The following HEATR4 variants were observed in gnomAD, a reference collection of about 807,000 sequenced individuals.
HEATR4 encodes the protein HEAT repeat containing 4.
Under a neutral mutation model 108.8 loss-of-function variants are expected in HEATR4, and 95 were observed. The observed-to-expected ratio is 0.87, with a 90% CI of 0.74 to 1.04. The LOEUF is 1.04. Among genes scored for constraint, HEATR4 ranks in the 50% least tolerant of loss-of-function variants. The pLI, the probability that HEATR4 is intolerant of heterozygous loss-of-function variation, is 0.00. For synonymous variants in HEATR4, 443 were observed against 459.4 expected, an observed-to-expected ratio of 0.96 and a Z score of 0.46; for missense variants, 1,152 against 1,253.8, an observed-to-expected ratio of 0.92 and a Z score of 1.23.
chr14:73,603,829 G>C, the HEATR4 span, among the ~76,000 whole-genome samples: 2 of 151,812 alleles, frequency 1.3e-5, no homozygotes, highest in South Asian at 4.1e-4. Flanking sequence ...TTCCTCCCAG[G>C]TTCAAGCGAT....
At position 73,552,251 on chromosome 14, in the gene HEATR4, A is replaced by G. The variant is rs1889335384; in HGVS notation, c.-152+6500T>C. On this transcript the variant is annotated intron_variant, in intron 1 of 17. Transcript: ENST00000553558. The stretch of plus-strand genomic sequence containing the variant: ...CAGATTCGCCACCAGTAACTCAGAC[A>G]CCTTCCACTGGTAACAACCCCAGCC... Among the ~76,000 whole-genome samples, 2 of 100,502 alleles carry G rather than the reference A, an allele frequency of 2.0e-5. 1 individual carries two copies. Among genetic ancestry groups the G allele is most frequent in the South Asian group, 6.0e-4 (2 of 3,340 alleles). 65.9% of individuals were successfully genotyped at this position (100,502 alleles called of 152,430 possible).
chr14:73,487,619 T>C (rs1041310678), intron 17 of HEATR4, among the ~76,000 whole-genome samples: 3 of 152,064 alleles, frequency 2.0e-5, no homozygotes, highest in African/African-American at 7.2e-5. Flanking sequence ...TGGTGGCTCA[T>C]GCTTGTAATC....
the HEATR4 span, among the ~76,000 whole-genome samples, chr14:73,573,845 C>G: frequency 7.9e-5 from 12 of 151,994 alleles, no homozygotes; most frequent in South Asian, 1.5e-3. Flanking sequence ...TTGTGCCCCA[C>G]CCTCCCGAGT....
chr14:73,499,098 A>G lies in HEATR4; in HGVS notation c.2329T>C (p.Trp777Arg), dbSNP rs1482948103. ...LLNLMQRDPY[W>R]KIKAFAIRAL... ...CGAATGGCAAAGGCCTTGATTTTCC[A>G]GTAAGGATCTCTCTGCATCAGGTTC... Residue 777 changes from tryptophan (W) to arginine (R), a missense_variant, in exon 13 of 18, where the codon TGG (tryptophan) becomes CGG (arginine). Transcript: ENST00000553558. 2.5e-6 allele frequency: 4 copies of G among 1,614,112 alleles called. No homozygotes were observed. The African/African-American group carries it at 4.0e-5, about 16-fold the overall frequency.
rs144777918 is a variant in HEATR4, at chr14:73,485,267, A to AT, written c.2845-6426dup. Among the ~76,000 whole-genome samples the AT allele has an allele frequency of 8.9e-3, 1,348 of 152,278 alleles. 23 individuals carry two copies. The highest frequency in any genetic ancestry group is 0.031 in the African/African-American group (1,297 of 41,554). ...GGACAACATATTGTTCTATAATTTG[A>AT]TTTTTTAACACGTTATAGACATTTC... is the stretch of plus-strand genomic sequence containing the variant. On this transcript the variant is annotated intron_variant, in intron 17 of 17. Coordinates refer to ENST00000553558, the MANE Select transcript of HEATR4 (RefSeq NM_001220484.1).
In HEATR4 at chr14:73,522,550, C is replaced by T. The variant is rs763749954; in HGVS notation, c.603G>A (p.Ala201=). The change falls in exon 3 of 18, where the codon GCG becomes GCA. Residue 201 remains alanine, a synonymous_variant. Coordinates refer to ENST00000553558, the MANE Select transcript of HEATR4 (RefSeq NM_001220484.1). ...GCTTTTCCAGCACAGTGGCCTCCCACGCTCTGGCCTCCTTCTCAGGAGGCA... is the reference window on the plus strand; with the variant it reads ...GCTTTTCCAGCACAGTGGCCTCCCATGCTCTGGCCTCCTTCTCAGGAGGCA... The part of the protein sequence containing the change: ...WLLPPEKEAR[A]WEATVLEKLN... 71 of 1,614,034 alleles carry T rather than the reference C, an allele frequency of 4.4e-5. No individual in the cohort carries two copies. The Middle Eastern group carries it at 8.2e-4, about 19-fold the overall frequency.
chr14:73,628,028 C>T, the HEATR4 span, among the ~76,000 whole-genome samples: 163 of 152,218 alleles, frequency 1.1e-3, no homozygotes, highest in African/African-American at 3.6e-3. Context: ...AGGCTAGTCT[C>T]GAACTCCTGA....
the HEATR4 span, among the ~76,000 whole-genome samples, chr14:73,567,361 G>A: frequency 1.1e-4 from 16 of 152,238 alleles, no homozygotes; most frequent in African/African-American, 3.6e-4. Flanking sequence ...CTGGGCTTCT[G>A]GGTTGGGTGG....
At chr14:73,485,113 G>A (rs1194745097) in intron 17 of HEATR4, among the ~76,000 whole-genome samples, 1 of 151,862 alleles carries the variant, frequency 6.6e-6, no homozygotes, top group Admixed American at 6.6e-5. Context: ...GCAGTGAGCC[G>A]AGATTGCACC....
chr14:73,562,187 G>A (rs564526208), upstream of HEATR4, among the ~76,000 whole-genome samples: 5 of 152,144 alleles, frequency 3.3e-5, no homozygotes, highest in East Asian at 7.7e-4. Flanking sequence ...ATTGTTTAAT[G>A]TTGTGGGAAG....
chr14:73,603,495 C>T, the HEATR4 span, among the ~76,000 whole-genome samples: 1 of 152,054 alleles, frequency 6.6e-6, no homozygotes, highest in Non-Finnish European at 1.5e-5. Flanking sequence ...GCTGGGACCA[C>T]AGGCGCATGC....
At position 73,491,750 on chromosome 14, in the gene HEATR4, G is replaced by A. The variant is rs1222449265; in HGVS notation, c.2844+1316C>T. The A allele has an allele frequency of 3.2e-6, 5 of 1,558,648 alleles. No individual in the cohort carries two copies. In the South Asian group the frequency reaches 5.9e-5, roughly 18 times the overall value. ...CTACTACCAGGGACTTTTCTCTACC[G>A]CTGACCTGGATTCGATGCTGCGCAA... On this transcript the variant is annotated intron_variant, in intron 17 of 17. Coordinates refer to ENST00000553558, the MANE Select transcript of HEATR4 (RefSeq NM_001220484.1).
rs758608257 is a variant in HEATR4 at position 73,478,639 on chromosome 14, A to G, written c.3048T>C (p.Ser1016=). 1 of 1,613,844 alleles carries G rather than the reference A, an allele frequency of 6.2e-7. No homozygotes were observed. The highest frequency in any genetic ancestry group is 1.1e-5 in the South Asian group (1 of 91,072). The change falls in exon 18 of 18, where the codon TCT becomes TCC. Residue 1016 remains serine (S), a synonymous_variant. Transcript: ENST00000553558. ...SERTFFSPIM[S]SPSGKKGAHL ...GAGCACCTTTCTTTCCAGAGGGAGA[A>G]GACATGATGGGAGAAAAAAATGTTC...
At chr14:73,580,442 TAAAG>T in the HEATR4 span, among the ~76,000 whole-genome samples, 5 of 151,964 alleles carry the variant, frequency 3.3e-5, no homozygotes, top group Admixed American at 2.6e-4. Flanking sequence ...TGAAGTGTGA[TAAAG>T]AGAGTGAGTT....
chr14:73,540,105 A>T (rs550877531), intron 1 of HEATR4, among the ~76,000 whole-genome samples: 1 of 121,408 alleles, frequency 8.2e-6, no homozygotes, highest in Non-Finnish European at 1.8e-5. Flanking sequence ...AGCATTATCA[A>T]TTGCTGACCA....
chr14:73,585,582 G>A, the HEATR4 span, among the ~76,000 whole-genome samples: 1 of 151,966 alleles, frequency 6.6e-6, no homozygotes, highest in African/African-American at 2.4e-5. Context: ...CCAGCTACGG[G>A]GGAGGCTGAG....
At position 73,492,736 on chromosome 14, in the gene HEATR4, C is replaced by T. The variant is rs1183831478; in HGVS notation, c.2844+330G>A. On this transcript the variant is annotated intron_variant, in intron 17 of 17. Transcript: ENST00000553558. The surrounding 1 kb of genome is among the most constrained non-coding windows in gnomAD (Gnocchi z 4.9). ...TGTTTCTCTATTACACAGTGGAAAA[C>T]TCCCGTGTGTATCATCTGGAAGAAC... 1 of 1,613,976 alleles carries T rather than the reference C, an allele frequency of 6.2e-7. No homozygotes were observed. The highest frequency in any genetic ancestry group is 1.7e-5 in the Admixed American group (1 of 60,000).
intron 4 of HEATR4, chr14:73,520,385 C>T (rs1389425388): frequency 6.5e-6 from 1 of 154,372 alleles, no homozygotes; most frequent in East Asian, 1.9e-4. Context: ...GTACTTGTGG[C>T]TCAGAGGAAT....
the HEATR4 span, among the ~76,000 whole-genome samples, chr14:73,617,667 A>AG: frequency 6.6e-6 from 1 of 152,140 alleles, no homozygotes; most frequent in Non-Finnish European, 1.5e-5. Flanking sequence ...CTCCTTAATA[A>AG]GATTAATGTA....
Sources: allele counts gnomAD v4.1 joint callset (sites outside exome capture counted in the v4.1 genomes callset), GRCh38; gene constraint gnomAD v4.1.1; non-coding constraint Gnocchi (gnomAD v3.1); transcripts MANE v1.5; gene names NCBI Gene and HGNC (gene_info 2026-07-23, HGNC 2026-07-21).